HCN4: variants seen among roughly 807,000 people sequenced by gnomAD.
The protein encoded by HCN4 is potassium/sodium hyperpolarization-activated cyclic nucleotide-gated channel 4.
A neutral mutation model predicts 76.9 loss-of-function variants in HCN4; 29 were observed. The ratio of observed to expected loss-of-function variants is 0.38; its 90% confidence interval spans 0.28 to 0.51. HCN4 has a LOEUF of 0.51. Among genes scored for constraint, HCN4 ranks in the 20% least tolerant of loss-of-function variants. HCN4 has a pLI of 0.90. For synonymous variants in HCN4, 772 were observed against 762.5 expected, an observed-to-expected ratio of 1.01 and a Z score of -0.21; for missense variants, 1,416 against 1,715.2, an observed-to-expected ratio of 0.83 and a Z score of 3.08.
At position 73,323,555 on chromosome 15, in the gene HCN4, C is replaced by G. The variant is rs372747050; in HGVS notation, c.2538G>C (p.Pro846=). 2 of 1,600,760 alleles carry G rather than the reference C, an allele frequency of 1.2e-6. No homozygotes were observed. The highest frequency in any genetic ancestry group is 2.7e-5 in the African/African-American group (2 of 74,912). The change falls in exon 8 of 8, where the codon CCG becomes CCC. Residue 846 remains proline, a synonymous_variant. Coordinates refer to ENST00000261917, the MANE Select transcript of HCN4 (RefSeq NM_005477.3). The part of the protein sequence containing the change: ...ALGSASPASS[P]SQVDTPSSSS... ...ATGAAGACGGTGTGTCCACCTGGGA[C>G]GGGCTGCTGGCGGGCGAGGCGGAGC...
At chr15:73,332,784 C>A (rs2042940638) in intron 2 of HCN4, among the ~76,000 whole-genome samples, 1 of 152,176 alleles carries the variant, frequency 6.6e-6, no homozygotes, top group Non-Finnish European at 1.5e-5. Context: ...GAGGAAGCGG[C>A]ACAGGCTCAC....
chr15:73,365,126 G>T (rs982924158), intron 1 of HCN4, among the ~76,000 whole-genome samples: 17 of 152,122 alleles, frequency 1.1e-4, no homozygotes, highest in Non-Finnish European at 2.2e-4. Context: ...GGGGGTGCTG[G>T]TCGGGGTGCG....
At chr15:73,355,298 TCTCA>T (rs1236799420) in intron 1 of HCN4, among the ~76,000 whole-genome samples, 1 of 152,194 alleles carries the variant, frequency 6.6e-6, no homozygotes, top group Non-Finnish European at 1.5e-5. Flanking sequence ...AGTCCCTTCC[TCTCA>T]CTGTCTCTTC....
intron 2 of HCN4, among the ~76,000 whole-genome samples, chr15:73,335,945 G>GC (rs903707489): frequency 1.3e-5 from 2 of 152,166 alleles, no homozygotes; most frequent in African/African-American, 4.8e-5. Flanking sequence ...GCCCAAGAAA[G>GC]CCCCCCTCCC....
At chr15:73,342,553 G>A (rs1258294632) in intron 2 of HCN4, among the ~76,000 whole-genome samples, 1 of 152,186 alleles carries the variant, frequency 6.6e-6, no homozygotes, top group African/African-American at 2.4e-5. Context: ...TCCAAGGTGT[G>A]GCGCACACTA....
intron 1 of HCN4, among the ~76,000 whole-genome samples, chr15:73,347,186 C>A (rs897952938): frequency 2.0e-5 from 3 of 152,218 alleles, no homozygotes; most frequent in Non-Finnish European, 4.4e-5. Flanking sequence ...TTATCCCTCA[C>A]ACTAGCACTG....
Position 73,343,909 on chromosome 15 carries a change from T to C in HCN4, c.786-101A>G. On this transcript the variant is annotated intron_variant, in intron 1 of 7. Coordinates refer to ENST00000261917, the MANE Select transcript of HCN4 (RefSeq NM_005477.3). This position sits in a 1 kb window ranked among gnomAD's most constrained non-coding sequence, Gnocchi z 5.7. ...GGACAGCATCTGGGACAGAGAAGTC[T>C]TGGGAGGTTCTGAGACAGGAAGACA... is the stretch of plus-strand genomic sequence containing the variant. 1 of 1,303,086 alleles carries C rather than the reference T, an allele frequency of 7.7e-7. No homozygotes were observed. The highest frequency in any genetic ancestry group is 1.2e-5 in the South Asian group (1 of 83,666). The allele number at this position is 1,303,086 out of a possible 1,614,324, so 80.7% of individuals were successfully genotyped here.
At position 73,350,853 on chromosome 15, in the gene HCN4, A is replaced by C. The variant is rs149048173; in HGVS notation, c.786-7045T>G. Reference sequence around the variant, plus strand: ...TTTAAGCTCTCTAAACTTAAAAAAAAATCCCTCCCTGAACCCCTGCTGTCT... The same window carrying C: ...TTTAAGCTCTCTAAACTTAAAAAAACATCCCTCCCTGAACCCCTGCTGTCT... On this transcript the variant is annotated intron_variant, in intron 1 of 7. Transcript: ENST00000261917. 3.1e-3 allele frequency among the ~76,000 whole-genome samples: 472 copies of C among 152,130 alleles called. 2 individuals carry two copies. The highest frequency in any genetic ancestry group is 5.0e-3 in the Non-Finnish European group (341 of 67,976).
At position 73,325,208 on chromosome 15, in the gene HCN4, G is replaced by A. The variant is rs2151215519; in HGVS notation, c.1738-13C>T. The A allele has an allele frequency of 4.3e-6, 7 of 1,614,124 alleles. No individual in the cohort carries two copies. Among genetic ancestry groups the A allele is most frequent in the Non-Finnish European group, 5.9e-6 (7 of 1,179,964 alleles). Reference sequence around the variant, plus strand: ...AGTTGATGATCTCCTGCCGGACAGGGTGGATTGGGACACGGGAAGGAGGTG... The same window carrying A: ...AGTTGATGATCTCCTGCCGGACAGGATGGATTGGGACACGGGAAGGAGGTG... On this transcript the variant is annotated splice_polypyrimidine_tract_variant and intron_variant, in intron 5 of 7. Coordinates refer to ENST00000261917, the MANE Select transcript of HCN4 (RefSeq NM_005477.3). This position sits in a 1 kb window ranked among gnomAD's most constrained non-coding sequence, Gnocchi z 7.4.
intron 2 of HCN4, among the ~76,000 whole-genome samples, chr15:73,338,778 G>C (rs915388679): frequency 6.6e-6 from 1 of 152,238 alleles, no homozygotes; most frequent in Non-Finnish European, 1.5e-5. Context: ...ACAAGTGTCT[G>C]CGTTGAAGAC....
chr15:73,354,488 G>C (rs2043069063), intron 1 of HCN4, among the ~76,000 whole-genome samples: 1 of 152,170 alleles, frequency 6.6e-6, no homozygotes, highest in South Asian at 2.1e-4. Context: ...TGTGGGGTGG[G>C]GCCAACATCT....
At position 73,321,685 on chromosome 15, in the gene HCN4, G is replaced by A. The variant is rs2042859243; in HGVS notation, c.*796C>T. ...GACTGGCTTTGAGACCAGAGATGGG[G>A]AGAGAGGGGGCCTGCTGCGAAGTCC... On this transcript the variant is annotated 3_prime_UTR_variant, in exon 8 of 8. Coordinates refer to ENST00000261917, the MANE Select transcript of HCN4 (RefSeq NM_005477.3). 1 of 153,002 alleles carries A rather than the reference G, an allele frequency of 6.5e-6. No homozygotes were observed. The highest frequency in any genetic ancestry group is 2.1e-4 in the South Asian group (1 of 4,844). 9.5% of individuals were successfully genotyped at this position (153,002 alleles called of 1,614,324 possible).
Position 73,322,718 on chromosome 15 carries a change from G to C in HCN4, c.3375C>G (p.Gly1125=), listed in dbSNP as rs2151213863. 1 of 1,564,408 alleles carries C rather than the reference G, an allele frequency of 6.4e-7. No individual in the cohort carries two copies. The highest frequency in any genetic ancestry group is 8.7e-7 in the Non-Finnish European group (1 of 1,154,802). The change falls in exon 8 of 8, where the codon GGC becomes GGG. Residue 1125 remains glycine, a synonymous_variant. Coordinates refer to ENST00000261917, the MANE Select transcript of HCN4 (RefSeq NM_005477.3). The stretch of plus-strand genomic sequence containing the variant: ...CCCCGCTGCTCCCACTGCCCCCGCT[G>C]CCACCCCCAGCCCTGGGGAAGAGCG... ...AFPLFPRAGG[G]SGGSGSSGGL...
chr15:73,360,544 T>C (rs1234292530), intron 1 of HCN4, among the ~76,000 whole-genome samples: 1 of 152,208 alleles, frequency 6.6e-6, no homozygotes, highest in Non-Finnish European at 1.5e-5. Flanking sequence ...CTTGTGTAAT[T>C]AAATTTTTTA....
At chr15:73,355,130 A>G (rs2043072195) in intron 1 of HCN4, among the ~76,000 whole-genome samples, 1 of 152,230 alleles carries the variant, frequency 6.6e-6, no homozygotes, top group East Asian at 1.9e-4. Context: ...GCAGGCGCCC[A>G]AGTAGGTCCG....
intron 1 of HCN4, among the ~76,000 whole-genome samples, chr15:73,360,321 G>A (rs902708236): frequency 3.3e-5 from 5 of 152,076 alleles, no homozygotes; most frequent in Non-Finnish European, 5.9e-5. Flanking sequence ...CTCTGGTTTC[G>A]CCTCTGACAT....
intron 2 of HCN4, among the ~76,000 whole-genome samples, chr15:73,338,267 T>C (rs1011549459): frequency 2.0e-5 from 3 of 152,212 alleles, no homozygotes; most frequent in South Asian, 4.1e-4. Flanking sequence ...TATATTTCAT[T>C]AGAACTCCCT....
chr15:73,368,292 A>C lies in HCN4; in HGVS notation c.-22T>G. 1 of 1,470,268 alleles carries C rather than the reference A, an allele frequency of 6.8e-7. No individual in the cohort carries two copies. Among genetic ancestry groups the C allele is most frequent in the African/African-American group, 1.5e-5 (1 of 68,008 alleles). 91.1% of individuals were successfully genotyped at this position (1,470,268 alleles called of 1,614,324 possible). ...CCATGGCGCCAGGGGCCGGGGTCGG[A>C]CCGGGCCGGGGGCAGGAGCGCGGCG... On this transcript the variant is annotated 5_prime_UTR_variant, in exon 1 of 8. Transcript: ENST00000261917. The surrounding 1 kb of genome is among the most constrained non-coding windows in gnomAD (Gnocchi z 6.9).
intron 6 of HCN4, among the ~76,000 whole-genome samples, chr15:73,324,629 T>C (rs1476164615): frequency 2.0e-5 from 3 of 152,090 alleles, no homozygotes; most frequent in Non-Finnish European, 4.4e-5. Context: ...TCATCCTCCT[T>C]CTGCCACATG....
Sources: gnomAD v4.1 joint callset for allele counts (sites outside exome capture counted in the v4.1 genomes callset) on GRCh38, gnomAD v4.1.1 for gene constraint, Gnocchi (gnomAD v3.1) non-coding constraint, MANE v1.5 for transcripts, NCBI Gene and HGNC (gene_info 2026-07-23, HGNC 2026-07-21) for gene names.